Variants in NGEF observed in about 807,000 individuals in gnomAD.
NGEF encodes neuronal guanine nucleotide exchange factor.
Under a neutral mutation model 80.9 loss-of-function variants are expected in NGEF, and 31 were observed. That is an observed-to-expected ratio of 0.38 (90% CI 0.29 to 0.52). NGEF has a LOEUF of 0.52. Ranked by LOEUF, NGEF falls within the 20% of genes least tolerant of loss-of-function variation. The pLI, the probability that NGEF is intolerant of heterozygous loss-of-function variation, is 0.84. For synonymous variants in NGEF, 371 were observed against 370.2 expected (o/e 1.00, Z -0.03); for missense variants, 709 against 926.2 (o/e 0.77, Z 3.04).
intron 3 of NGEF, among the ~76,000 whole-genome samples, chr2:232,954,729 GA>G (rs11404293): frequency 0.21 from 29,002 of 134,998 alleles, 3,005 homozygotes; most frequent in East Asian, 0.35. Context: ...CGTCTCAAAA[GA>G]AAAAAAAAAA....
chr2:232,956,969 TA>T lies in NGEF; in HGVS notation c.383+13244del, dbSNP rs201139700. ...TTAAATAGGAAGATAAAAAGAGAAT[TA>T]AAGGGGGAAAAAAGATTTGGCATTA... is the stretch of plus-strand genomic sequence containing the variant. On this transcript the variant is annotated intron_variant, in intron 3 of 14. Transcript: ENST00000264051. Among the ~76,000 whole-genome samples the T allele has an allele frequency of 9.3e-3, 1,406 of 151,462 alleles. 20 individuals are homozygous for T. The highest frequency in any genetic ancestry group is 0.027 in the African/African-American group (1,115 of 41,318).
intron 1 of NGEF, among the ~76,000 whole-genome samples, chr2:232,994,585 G>A (rs1336924650): frequency 1.3e-5 from 2 of 152,106 alleles, no homozygotes; most frequent in Non-Finnish European, 2.9e-5. Context: ...TATGACACCG[G>A]GGAAGCTGTG....
chr2:232,922,899 G>A (rs145915045), intron 4 of NGEF, among the ~76,000 whole-genome samples: 1,849 of 152,078 alleles, frequency 0.012, 47 homozygotes, highest in African/African-American at 0.041. Context: ...GCCAAACTCC[G>A]TCTCTACTAA....
chr2:232,879,218 C>A lies in NGEF; in HGVS notation c.*271G>T, dbSNP rs1189836707. The A allele has an allele frequency of 2.7e-6, 1 of 369,734 alleles. No individual in the cohort carries two copies. Among genetic ancestry groups the A allele is most frequent in the East Asian group, 4.4e-5 (1 of 22,732 alleles). 22.9% of individuals were successfully genotyped at this position (369,734 alleles called of 1,614,324 possible). On this transcript the variant is annotated 3_prime_UTR_variant, in exon 15 of 15. Coordinates refer to ENST00000264051, the MANE Select transcript of NGEF (RefSeq NM_019850.3). ...GAGTGTGCCCACCCCCTTCCACCCC[C>A]TCGGAGGCATGAGGGAGGTGGTGTA... is the stretch of plus-strand genomic sequence containing the variant.
chr2:232,940,618 C>T (rs1395045734), intron 3 of NGEF, among the ~76,000 whole-genome samples: 1 of 152,076 alleles, frequency 6.6e-6, no homozygotes, highest in Non-Finnish European at 1.5e-5. Context: ...TAAATGATCA[C>T]ATATTTCTCA....
intron 1 of NGEF, among the ~76,000 whole-genome samples, chr2:232,992,486 A>C (rs910039280): frequency 6.6e-6 from 1 of 152,136 alleles, no homozygotes; most frequent in African/African-American, 2.4e-5. Flanking sequence ...CAAGCCTGGG[A>C]GACAGAGGTT....
chr2:232,883,864 T>G, intron 11 of NGEF, 117 bp downstream of exon 11: 1 of 1,123,464 alleles, frequency 8.9e-7, no homozygotes, highest in Non-Finnish European at 1.2e-6. Context: ...CCTTTAAACC[T>G]GACCGAAGAG....
intron 5 of NGEF, among the ~76,000 whole-genome samples, chr2:232,900,123 T>C (rs1575001958): frequency 8.9e-6 from 1 of 112,882 alleles, no homozygotes; most frequent in Admixed American, 1.0e-4. Flanking sequence ...CATATACACG[T>C]TCACTCACAT....
chr2:232,993,122 TAA>T (rs1694687383), intron 1 of NGEF, among the ~76,000 whole-genome samples: 2 of 37,266 alleles, frequency 5.4e-5, no homozygotes. Flanking sequence ...TATATATAAA[TAA>T]ATATATATTT....
At chr2:232,908,252 TAATA>T (rs1293105191) in intron 5 of NGEF, among the ~76,000 whole-genome samples, 2 of 152,370 alleles carry the variant, frequency 1.3e-5, no homozygotes, top group Non-Finnish European at 1.5e-5. Context: ...ATGAACATGC[TAATA>T]AATAAATATT....
At chr2:232,907,174 GAAAAGAAAAAAAAGA>G (rs1228372192) in intron 5 of NGEF, among the ~76,000 whole-genome samples, 779 of 33,058 alleles carry the variant, frequency 0.024, 8 homozygotes, top group African/African-American at 0.073. Context: ...AAAAAAAAAA[GAAAAGAAAAAAAAGA>G]AAAAAAAAAA....
chr2:232,928,128 G>A (rs1693128001), intron 3 of NGEF: 1 of 1,001,924 alleles, frequency 1.0e-6, no homozygotes, highest in Non-Finnish European at 1.2e-6. Flanking sequence ...AGCTGCAGCC[G>A]CCGCCGCCAC....
intron 3 of NGEF, among the ~76,000 whole-genome samples, chr2:232,930,992 C>T (rs1574619785): frequency 6.6e-6 from 1 of 152,268 alleles, no homozygotes; most frequent in Middle Eastern, 3.4e-3. Context: ...AGCAAAAATT[C>T]CTTTCCAGCT....
chr2:232,960,332 A>T (rs1693921521), intron 3 of NGEF, among the ~76,000 whole-genome samples: 1 of 152,238 alleles, frequency 6.6e-6, no homozygotes, highest in African/African-American at 2.4e-5. Context: ...CTGTAGGAAT[A>T]AAGTCCCAAC....
At chr2:232,977,009 G>A (rs1409054566) in intron 1 of NGEF, among the ~76,000 whole-genome samples, 1 of 152,218 alleles carries the variant, frequency 6.6e-6, no homozygotes, top group Admixed American at 6.5e-5. Flanking sequence ...CTTCCCGGGA[G>A]TGCCTGGGAG....
intron 1 of NGEF, among the ~76,000 whole-genome samples, chr2:232,992,796 G>C (rs1694676295): frequency 6.6e-6 from 1 of 151,664 alleles, no homozygotes; most frequent in Non-Finnish European, 1.5e-5. Flanking sequence ...AGACTAGCCT[G>C]GGCAACATGG....
At position 232,927,061 on chromosome 2, in the gene NGEF, T is replaced by G. The variant is rs1693086028; in HGVS notation, c.509A>C (p.Asn170Thr). 6.2e-7 allele frequency: 1 copy of G among 1,613,796 alleles called. No individual in the cohort carries two copies. Residue 170 changes from asparagine (N) to threonine (T), a missense_variant, in exon 4 of 15, where the codon AAC becomes ACC. Coordinates refer to ENST00000264051, the MANE Select transcript of NGEF (RefSeq NM_019850.3). ...IHPIPADSWR[N>T]LIEQIGLLYQ... is the part of the protein sequence containing the mutation. The stretch of plus-strand genomic sequence containing the variant: ...ACACCCACCTATTTGTTCAATGAGG[T>G]TTCTCCAGGAGTCGGCGGGAATGGG...
intron 3 of NGEF, among the ~76,000 whole-genome samples, chr2:232,943,543 T>A (rs959933915): frequency 8.0e-6 from 1 of 125,036 alleles, no homozygotes; most frequent in East Asian, 2.0e-4. Context: ...TCGCCCAGGC[T>A]GGAGTGCAGT....
rs1559238281 is a variant in NGEF at position 232,993,152 on chromosome 2, C to CTATATATAT, written c.-74-18189_-74-18188insATATATATA. On this transcript the variant is annotated intron_variant, in intron 1 of 14. Coordinates refer to ENST00000264051, the MANE Select transcript of NGEF (RefSeq NM_019850.3). ...ATATATTTATTTATATATATATGGGCAAATATATATATATTATATATATAA... is the reference window on the plus strand; with the variant it reads ...ATATATTTATTTATATATATATGGGCTATATATATAAATATATATATATTATATATATAA... Among the ~76,000 whole-genome samples, 10 of 21,604 alleles carry CTATATATAT rather than the reference C, an allele frequency of 4.6e-4. No individual in the cohort carries two copies. In the East Asian group the frequency reaches 0.031, roughly 66 times the overall value. 14.2% of individuals were successfully genotyped at this position (21,604 alleles called of 152,430 possible). A position where few individuals can be genotyped will look rare whatever the true frequency, so the allele number is the denominator to read the frequency against.
Sources: allele counts gnomAD v4.1 joint callset (sites outside exome capture counted in the v4.1 genomes callset), GRCh38; gene constraint gnomAD v4.1.1; transcripts MANE v1.5; gene names NCBI Gene and HGNC (gene_info 2026-07-23, HGNC 2026-07-21).